EXOC6: variants seen among roughly 807,000 people sequenced by gnomAD.
The protein encoded by EXOC6 is exocyst complex component 6.
A neutral mutation model predicts 112.5 loss-of-function variants in EXOC6; 60 were observed. The ratio of observed to expected loss-of-function variants is 0.53; its 90% CI spans 0.43 to 0.66. The LOEUF (loss-of-function observed/expected upper bound fraction) is 0.66, where lower values mean the gene tolerates loss of function less well. Ranked by LOEUF, EXOC6 falls within the 30% of genes least tolerant of loss-of-function variation. EXOC6 has a pLI of 0.00. For synonymous variants in EXOC6, 295 were observed against 308.0 expected, an observed-to-expected ratio of 0.96 and a Z score of 0.44; for missense variants, 855 against 957.1, an observed-to-expected ratio of 0.89 and a Z score of 1.41.
intron 18 of EXOC6, among the ~76,000 whole-genome samples, chr10:92,979,317 G>A (rs1842742879): frequency 6.6e-6 from 1 of 152,176 alleles, no homozygotes; most frequent in South Asian, 2.1e-4. Context: ...AGGCCACCAT[G>A]CCTGGCTAAT....
chr10:92,911,936 T>TGC (rs1224169465), intron 6 of EXOC6, among the ~76,000 whole-genome samples: 1 of 47,382 alleles, frequency 2.1e-5, no homozygotes, highest in Non-Finnish European at 4.1e-5. Context: ...TCTCTCTGTG[T>TGC]GCGTGTGTGT....
At chr10:92,899,984 T>C (rs1850070151) in intron 5 of EXOC6, 1 of 203,176 alleles carries the variant, frequency 4.9e-6, no homozygotes, top group African/African-American at 2.3e-5. Context: ...GTGTAGGCAG[T>C]TATATTTTGA....
chr10:92,915,862 T>G lies in EXOC6; in HGVS notation c.768T>G (p.Asn256Lys). ...GTGATAGAATTCCAGAGGAAAGGAA[T>G]GAAACTGTATTGAAACATTCACTTG... ...INRDRIPEERNETVLKHSLEE... is the reference protein window; with the variant it reads ...INRDRIPEERKETVLKHSLEE... Residue 256 changes from asparagine to lysine, a missense_variant, in exon 7 of 22, where the codon AAT becomes AAG. Physicochemically the swap from Asn to Lys is moderately conservative, Grantham distance 94. Coordinates refer to ENST00000260762, the MANE Select transcript of EXOC6 (RefSeq NM_019053.6). The G allele has an allele frequency of 6.4e-7, 1 of 1,553,416 alleles. No individual in the cohort carries two copies. Among genetic ancestry groups the G allele is most frequent in the Non-Finnish European group, 8.6e-7 (1 of 1,159,454 alleles).
chr10:92,892,579 G>A (rs1254255949), intron 1 of EXOC6, among the ~76,000 whole-genome samples: 1 of 152,198 alleles, frequency 6.6e-6, no homozygotes, highest in Non-Finnish European at 1.5e-5. Context: ...CTGCTATTTG[G>A]CAGTCAAAGC....
intron 1 of EXOC6, among the ~76,000 whole-genome samples, chr10:92,889,945 C>T (rs1849417192): frequency 6.6e-6 from 1 of 152,064 alleles, no homozygotes; most frequent in Non-Finnish European, 1.5e-5. Flanking sequence ...ATTGTGTTGG[C>T]TATTTTGGGT....
chr10:92,975,743 G>A (rs180891388), intron 18 of EXOC6, among the ~76,000 whole-genome samples: 25,465 of 95,348 alleles, frequency 0.27, 5,117 homozygotes, highest in Admixed American at 0.33. Context: ...GAGGGAGGTC[G>A]GGGGGCCAGC....
intron 1 of EXOC6, among the ~76,000 whole-genome samples, chr10:92,888,043 A>G (rs1166341679): frequency 2.0e-5 from 3 of 152,150 alleles, no homozygotes; most frequent in Non-Finnish European, 2.9e-5. Flanking sequence ...GAGAGTTGGG[A>G]CAGCCTGAGA....
At chr10:92,833,805 T>C (rs1031033470), upstream of EXOC6, among the ~76,000 whole-genome samples, 2 of 152,202 alleles carry the variant, frequency 1.3e-5, no homozygotes, top group African/African-American at 4.8e-5. Flanking sequence ...GAAGATCGAA[T>C]GCAAGTGGTA....
intron 1 of EXOC6, among the ~76,000 whole-genome samples, chr10:92,870,882 G>A (rs145896350): frequency 6.6e-6 from 1 of 152,134 alleles, no homozygotes; most frequent in East Asian, 1.9e-4. Context: ...GCTAATTTTT[G>A]TATTTGTAGT....
chr10:92,985,940 G>A (rs1998861), intron 18 of EXOC6, among the ~76,000 whole-genome samples: 57,726 of 151,734 alleles, frequency 0.38, 11,295 homozygotes, highest in Middle Eastern at 0.49. Flanking sequence ...ATACATTTAT[G>A]TGTTTTCCCT....
chr10:92,896,440 G>A lies in EXOC6; in HGVS notation c.412+1420G>A, dbSNP rs185701437. On this transcript the variant is annotated intron_variant, in intron 4 of 21. Coordinates refer to ENST00000260762, the MANE Select transcript of EXOC6 (RefSeq NM_019053.6). The stretch of plus-strand genomic sequence containing the variant: ...TCAAACTTCTGGCCTCAAATGATCT[G>A]CCTGCCTCGGCCTCCCAAAGTGCTA... Among the ~76,000 whole-genome samples, 485 of 148,926 alleles carry A rather than the reference G, an allele frequency of 3.3e-3. 2 individuals are homozygous for A. Among genetic ancestry groups the A allele is most frequent in the Admixed American group, 5.2e-3 (78 of 14,904 alleles).
intron 18 of EXOC6, among the ~76,000 whole-genome samples, chr10:92,997,053 T>C (rs1025658996): frequency 6.6e-6 from 1 of 152,356 alleles, no homozygotes; most frequent in African/African-American, 2.4e-5. Context: ...ACTTCCTTTA[T>C]TCTGACTTGG....
chr10:92,875,173 A>G (rs980882641), intron 1 of EXOC6, among the ~76,000 whole-genome samples: 2 of 152,226 alleles, frequency 1.3e-5, no homozygotes, highest in Non-Finnish European at 2.9e-5. Flanking sequence ...ATTCCCAGTA[A>G]CAACAGATAT....
chr10:92,843,009 T>C (rs1846912061), intron 1 of EXOC6, among the ~76,000 whole-genome samples: 1 of 152,168 alleles, frequency 6.6e-6, no homozygotes, highest in Non-Finnish European at 1.5e-5. Context: ...TACATGAACA[T>C]GGTACACAGC....
At chr10:92,848,438 GC>G, upstream of EXOC6, 1 of 196,084 alleles carries the variant, frequency 5.1e-6, no homozygotes, top group Non-Finnish European at 8.7e-6. Context: ...CGAGCGCCCC[GC>G]CCCCGCCCCG....
rs5787026 is a variant in EXOC6, at chr10:92,963,532, A to ATTTT, written c.1773+7832_1773+7835dup. The stretch of plus-strand genomic sequence containing the variant: ...ACTGTATTTCTTTTTATAAAGAGCA[A>ATTTT]TTTTTTTTTTTTTTTTTGGATCATG... On this transcript the variant is annotated intron_variant, in intron 17 of 21. Coordinates refer to ENST00000260762, the MANE Select transcript of EXOC6 (RefSeq NM_019053.6). Among the ~76,000 whole-genome samples, 6 of 141,388 alleles carry ATTTT rather than the reference A, an allele frequency of 4.2e-5. No homozygotes were observed. In the South Asian group the frequency reaches 1.1e-3, roughly 27 times the overall value. The allele number at this position is 141,388 out of a possible 152,430, so 92.8% of individuals were successfully genotyped here.
At chr10:92,919,217 G>A (rs960013803) in intron 7 of EXOC6, among the ~76,000 whole-genome samples, 4 of 152,042 alleles carry the variant, frequency 2.6e-5, no homozygotes, top group Non-Finnish European at 5.9e-5. Context: ...ACATTTAGAG[G>A]AGCTTGGTGG....
At chr10:92,850,937 A>G (rs994922071) in intron 1 of EXOC6, among the ~76,000 whole-genome samples, 3 of 152,222 alleles carry the variant, frequency 2.0e-5, no homozygotes, top group African/African-American at 4.8e-5. Context: ...CAACAGAAGT[A>G]TATTAGAAAT....
chr10:93,001,321 A>G (rs983248721), intron 19 of EXOC6, among the ~76,000 whole-genome samples: 3 of 152,204 alleles, frequency 2.0e-5, no homozygotes, highest in Non-Finnish European at 4.4e-5. Context: ...AATCCTTTCT[A>G]TAATAAACCT....
Sources: gnomAD v4.1 joint callset for allele counts (sites outside exome capture counted in the v4.1 genomes callset) on GRCh38, gnomAD v4.1.1 for gene constraint, MANE v1.5 for transcripts, NCBI Gene and HGNC (gene_info 2026-07-23, HGNC 2026-07-21) for gene names.